KIF15: variants seen among roughly 807,000 people sequenced by gnomAD.
The protein encoded by KIF15 is kinesin-like protein KIF15.
Under a neutral mutation model 190.6 loss-of-function variants are expected in KIF15, and 140 were observed. The ratio of observed to expected loss-of-function variants is 0.73; its 90% CI spans 0.64 to 0.84. KIF15 has a LOEUF of 0.84. Among genes scored for constraint, KIF15 ranks in the 40% least tolerant of loss-of-function variants. The pLI, the probability that KIF15 is intolerant of heterozygous loss-of-function variation, is 0.00. For synonymous variants in KIF15, 528 were observed against 551.3 expected (o/e 0.96, Z 0.59); for missense variants, 1,372 against 1,584.4 (o/e 0.87, Z 2.28).
chr3:44,838,637 A>T (rs1443725909), intron 27 of KIF15, among the ~76,000 whole-genome samples: 1 of 151,764 alleles, frequency 6.6e-6, no homozygotes, highest in Non-Finnish European at 1.5e-5. Flanking sequence ...AATCCCAGCT[A>T]CTTGGGAGGC....
In KIF15 at chr3:44,865,324, C is replaced by G. The variant is rs150551721; in HGVS notation, c.*60-8005C>G. 180 of 1,084,090 alleles carry G rather than the reference C, an allele frequency of 1.7e-4. No homozygotes were observed. In the African/African-American group the frequency reaches 2.4e-3, roughly 15 times the overall value. 67.2% of individuals were successfully genotyped at this position (1,084,090 alleles called of 1,614,324 possible). A position where few individuals can be genotyped will look rare whatever the true frequency, so the allele number is the denominator to read the frequency against. On this transcript the variant is annotated intron_variant and NMD_transcript_variant, in intron 6 of 6. Transcript: ENST00000422209. ...GGAAGCAGGCCTCTGATGGAGCAGG[C>G]TCTGGCTCTGTAAGGAGAGGTGCAG...
intron 6 of KIF15, chr3:44,861,908 C>G (rs747201460): frequency 8.1e-6 from 12 of 1,484,064 alleles, no homozygotes; most frequent in Non-Finnish European, 1.1e-5. Flanking sequence ...GTGCCAGGCA[C>G]GGTGTCAGCA....
At chr3:44,767,788 C>A (rs1048995165) in intron 1 of KIF15, among the ~76,000 whole-genome samples, 1 of 148,822 alleles carries the variant, frequency 6.7e-6, no homozygotes, top group Admixed American at 6.7e-5. Flanking sequence ...CCAGCTACTC[C>A]GGAGGCTGAG....
intron 5 of KIF15, 96 bp downstream of exon 5, chr3:44,781,018 T>C (rs752526967): frequency 2.8e-5 from 25 of 897,000 alleles, no homozygotes; most frequent in Non-Finnish European, 4.2e-5. Context: ...CTATATATGA[T>C]GTTGATCTCT....
intron 30 of KIF15, among the ~76,000 whole-genome samples, chr3:44,845,086 A>G (rs1698783083): frequency 6.6e-6 from 1 of 152,248 alleles, no homozygotes; most frequent in South Asian, 2.1e-4. Context: ...GAAGAGCTTT[A>G]CTTTTTTAAC....
chr3:44,848,462 G>A (rs1243915743), intron 31 of KIF15, 59 bp from the exon 32 acceptor site: 5 of 762,284 alleles, frequency 6.6e-6, no homozygotes, highest in Non-Finnish European at 1.1e-5. Context: ...TCTTTTTTAA[G>A]CAATGTTATT....
At chr3:44,865,086 G>T (rs1406258113) in intron 6 of KIF15, 1 of 1,614,178 alleles carries the variant, frequency 6.2e-7, no homozygotes, top group South Asian at 1.1e-5. Flanking sequence ...GAGGTCTTGT[G>T]GTGGGGAGGA....
chr3:44,857,235 G>A (rs1387012134), downstream of KIF15, among the ~76,000 whole-genome samples: 1 of 152,226 alleles, frequency 6.6e-6, no homozygotes, highest in East Asian at 1.9e-4. Context: ...TCAACAAAGA[G>A]TGAGGATAGC....
At chr3:44,781,223 G>A (rs1706149199) in intron 5 of KIF15, among the ~76,000 whole-genome samples, 2 of 152,160 alleles carry the variant, frequency 1.3e-5, no homozygotes, top group Non-Finnish European at 2.9e-5. Flanking sequence ...ACCAGATCAA[G>A]ATTCCTGGTC....
At chr3:44,778,344 C>T (rs907701947) in intron 4 of KIF15, among the ~76,000 whole-genome samples, 153 bp downstream of exon 4, 2 of 152,214 alleles carry the variant, frequency 1.3e-5, no homozygotes, top group Admixed American at 1.3e-4. Flanking sequence ...GGGTCTCTCA[C>T]AGGTAAAATC....
chr3:44,808,668 A>T (rs1280670061), intron 16 of KIF15, among the ~76,000 whole-genome samples: 1 of 149,258 alleles, frequency 6.7e-6, no homozygotes, highest in Non-Finnish European at 1.5e-5. Flanking sequence ...TAACTCAGGG[A>T]TATGCCTTAG....
intron 29 of KIF15, among the ~76,000 whole-genome samples, chr3:44,842,430 C>G (rs550900247): frequency 3.0e-4 from 46 of 152,274 alleles, no homozygotes; most frequent in African/African-American, 1.1e-3. Flanking sequence ...GGTCATTGCT[C>G]TGCAGGGAGT....
chr3:44,848,746 G>T (rs1698957825), intron 32 of KIF15, among the ~76,000 whole-genome samples, 188 bp downstream of exon 32: 1 of 152,066 alleles, frequency 6.6e-6, no homozygotes, highest in Non-Finnish European at 1.5e-5. Flanking sequence ...CACTTCAAAA[G>T]AAATCTTAAA....
At chr3:44,837,572 A>G (rs544292995) in intron 26 of KIF15, among the ~76,000 whole-genome samples, 33 of 152,242 alleles carry the variant, frequency 2.2e-4, no homozygotes, top group African/African-American at 7.7e-4. Context: ...GTGTATATCC[A>G]TGTATATGTA....
rs752350244 is a variant in KIF15 at position 44,804,592 on chromosome 3, G to A, written c.1688-435G>A. ...TCTTTCTCCTAATGGGAAAGGTGTT[G>A]CCTTAACTACACTTCTCCATCCTGT... is the stretch of plus-strand genomic sequence containing the variant. On this transcript the variant is annotated intron_variant, in intron 14 of 34. Transcript: ENST00000326047. 1.5e-4 allele frequency among the ~76,000 whole-genome samples: 23 copies of A among 152,290 alleles called. No individual in the cohort carries two copies. In the South Asian group the frequency reaches 1.7e-3, roughly 11 times the overall value.
intron 20 of KIF15, among the ~76,000 whole-genome samples, chr3:44,818,039 C>T (rs991586356): frequency 1.3e-5 from 2 of 152,142 alleles, no homozygotes; most frequent in African/African-American, 2.4e-5. Context: ...TTTGGCTCTC[C>T]GTTTGTCTGT....
intron 4 of KIF15, among the ~76,000 whole-genome samples, chr3:44,779,515 C>G (rs1257611021): frequency 6.6e-6 from 1 of 151,844 alleles, no homozygotes; most frequent in Non-Finnish European, 1.5e-5. Context: ...CTCTCAAGTG[C>G]CTGTTTGGAC....
intron 29 of KIF15, among the ~76,000 whole-genome samples, chr3:44,841,641 G>A (rs1238710506): frequency 1.3e-5 from 2 of 151,866 alleles, no homozygotes; most frequent in Non-Finnish European, 1.5e-5. Flanking sequence ...CTCATGATCC[G>A]CCTACCTCAG....
At chr3:44,803,201 A>G (rs1707358339) in intron 14 of KIF15, among the ~76,000 whole-genome samples, 1 of 152,254 alleles carries the variant, frequency 6.6e-6, no homozygotes, top group Non-Finnish European at 1.5e-5. Flanking sequence ...AAGCTAATAG[A>G]TATAACGAGA....
Sources: gnomAD v4.1 joint callset for allele counts (sites outside exome capture counted in the v4.1 genomes callset) on GRCh38, gnomAD v4.1.1 for gene constraint, MANE v1.5 for transcripts, NCBI Gene and HGNC (gene_info 2026-07-23, HGNC 2026-07-21) for gene names.